Variants in GYS2 observed in about 807,000 individuals in gnomAD.
GYS2 encodes the protein glycogen synthase 2.
Under a neutral mutation model 85.6 loss-of-function variants are expected in GYS2, and 80 were observed. That is an observed-to-expected ratio of 0.93 (90% CI 0.78 to 1.13). The LOEUF is 1.13. GYS2 is among the 50% of genes most tolerant of loss of function. The pLI, the probability that GYS2 is intolerant of heterozygous loss-of-function variation, is 0.00. For missense variants in GYS2, 881 were observed against 854.9 expected, an observed-to-expected ratio of 1.03 and a Z score of -0.38; for synonymous variants, 328 against 300.7, an observed-to-expected ratio of 1.09 and a Z score of -0.94.
chr12:21,581,205 T>C (rs572389235), intron 1 of GYS2, among the ~76,000 whole-genome samples: 1 of 152,296 alleles, frequency 6.6e-6, no homozygotes, highest in Non-Finnish European at 1.5e-5. Context: ...ACCCTTCATA[T>C]TGTTTTATGC....
At chr12:21,592,634 T>C (rs554675280) in intron 1 of GYS2, among the ~76,000 whole-genome samples, 3 of 152,186 alleles carry the variant, frequency 2.0e-5, no homozygotes, top group African/African-American at 7.2e-5. Flanking sequence ...TCCAGATATG[T>C]AAAGCAAATG....
chr12:21,563,121 A>C lies in GYS2; in HGVS notation c.942-83T>G, dbSNP rs1473422. On this transcript the variant is annotated intron_variant, in intron 6 of 15. Coordinates refer to ENST00000261195, the MANE Select transcript of GYS2 (RefSeq NM_021957.4). ...TACACATGAATTCTGTTAATGTACA[A>C]AGGGGGCTGGGAAAGATAAACATTT... 915,088 of 1,210,834 alleles carry C rather than the reference A, an allele frequency of 0.76. 347,133 individuals carry two copies. Among genetic ancestry groups the C allele is most frequent in the South Asian group, 0.79 (65,330 of 82,996 alleles). 75.0% of individuals were successfully genotyped at this position (1,210,834 alleles called of 1,614,324 possible).
chr12:21,542,503 AG>A lies in GYS2; in HGVS notation c.1637del (p.Thr546MetfsTer22), dbSNP rs1943990183. ...CFMQEHVADP[T>X]AYGIYIVDRR... is the part of the protein sequence containing the mutation. ...AATGATGAAAACCCTCACCGTAAGCAGTAGGATCAGCCACGTGCTCCTGCAT... is the reference window on the plus strand; with the variant it reads ...AATGATGAAAACCCTCACCGTAAGCATAGGATCAGCCACGTGCTCCTGCAT... On this transcript the variant is annotated frameshift_variant, in exon 13 of 16. Transcript: ENST00000261195. LOFTEE classifies it high-confidence loss of function. The A allele has an allele frequency of 6.2e-7, 1 of 1,603,816 alleles. No individual in the cohort carries two copies. Among genetic ancestry groups the A allele is most frequent in the Non-Finnish European group, 8.5e-7 (1 of 1,170,624 alleles).
At chr12:21,552,554 T>C (rs1305562876) in intron 11 of GYS2, among the ~76,000 whole-genome samples, 1 of 152,228 alleles carries the variant, frequency 6.6e-6, no homozygotes, top group African/African-American at 2.4e-5. Context: ...TAATTCTGCA[T>C]TGATGGGAGT....
chr12:21,591,227 A>G (rs934008766), intron 1 of GYS2, among the ~76,000 whole-genome samples: 2 of 152,158 alleles, frequency 1.3e-5, no homozygotes, highest in Non-Finnish European at 2.9e-5. Context: ...GAACTCAGAT[A>G]AACAATAAAA....
At chr12:21,533,636 C>G (rs181770509), downstream of GYS2, among the ~76,000 whole-genome samples, 10 of 152,150 alleles carry the variant, frequency 6.6e-5, no homozygotes, top group Non-Finnish European at 1.3e-4. Context: ...AACTAGTCCC[C>G]CTCCTGAGTC....
intron 1 of GYS2, among the ~76,000 whole-genome samples, chr12:21,588,779 A>T (rs770374312): frequency 2.0e-5 from 3 of 152,256 alleles, no homozygotes; most frequent in Admixed American, 2.0e-4. Context: ...AATTGATGTC[A>T]TCTACTACAT....
Position 21,558,983 on chromosome 12 carries a change from G to A in GYS2, c.1308+108C>T, listed in dbSNP as rs1037013735. 1.2e-5 allele frequency: 8 copies of A among 661,002 alleles called. No individual in the cohort carries two copies. In the Admixed American group the frequency reaches 1.8e-4, roughly 15 times the overall value. 40.9% of individuals were successfully genotyped at this position (661,002 alleles called of 1,614,324 possible). On this transcript the variant is annotated intron_variant, in intron 10 of 15. Transcript: ENST00000261195. The stretch of plus-strand genomic sequence containing the variant: ...TGACTATGTAAGAATGTCTTTTCTA[G>A]CCTCAGGTCTGAAAATGTTCCAAAT...
rs1457834235 is a variant in GYS2, at chr12:21,578,880, G to A, written c.303+1462C>T. On this transcript the variant is annotated intron_variant, in intron 2 of 15. Coordinates refer to ENST00000261195, the MANE Select transcript of GYS2 (RefSeq NM_021957.4). ...CCTTTTTGCAAATAAACATGCTCAG[G>A]TCTTACCCATATTTAATAACACACC... Among the ~76,000 whole-genome samples, 3 of 151,914 alleles carry A rather than the reference G, an allele frequency of 2.0e-5. 1 individual carries two copies. Among genetic ancestry groups the A allele is most frequent in the East Asian group, 3.9e-4 (2 of 5,170 alleles).
intron 1 of GYS2, among the ~76,000 whole-genome samples, chr12:21,590,415 A>G (rs1332595534): frequency 6.6e-6 from 1 of 152,168 alleles, no homozygotes; most frequent in African/African-American, 2.4e-5. Context: ...AAGCCTGATG[A>G]TGGGCCTACC....
chr12:21,590,450 G>A (rs1944624620), intron 1 of GYS2, among the ~76,000 whole-genome samples: 1 of 152,056 alleles, frequency 6.6e-6, no homozygotes, highest in Non-Finnish European at 1.5e-5. Flanking sequence ...CATCACAACT[G>A]GCACCTCCTG....
In GYS2 at chr12:21,536,420, T is replaced by C. The variant is rs527910139; in HGVS notation, c.*534A>G. Reference sequence around the variant, plus strand: ...CATCAAAATATGGACTTAGGATAGCTATTCACTCATGGATTTTTGTCTCTG... The same window carrying C: ...CATCAAAATATGGACTTAGGATAGCCATTCACTCATGGATTTTTGTCTCTG... On this transcript the variant is annotated 3_prime_UTR_variant, in exon 16 of 16. Transcript: ENST00000261195. The C allele has an allele frequency of 6.1e-6, 1 of 164,054 alleles. No homozygotes were observed. The highest frequency in any genetic ancestry group is 2.4e-5 in the African/African-American group (1 of 41,644). The allele number at this position is 164,054 out of a possible 1,614,324, so 10.2% of individuals were successfully genotyped here. A position where few individuals can be genotyped will look rare whatever the true frequency, so the allele number is the denominator to read the frequency against.
chr12:21,592,132 A>G (rs1944646145), intron 1 of GYS2, among the ~76,000 whole-genome samples: 1 of 151,014 alleles, frequency 6.6e-6, no homozygotes, highest in Non-Finnish European at 1.5e-5. Context: ...AACCACAATC[A>G]TAAATAATAA....
At chr12:21,591,759 G>A (rs1396614117) in intron 1 of GYS2, among the ~76,000 whole-genome samples, 1 of 152,082 alleles carries the variant, frequency 6.6e-6, no homozygotes, top group African/African-American at 2.4e-5. Context: ...TCACTTATAA[G>A]GGAACTTCCA....
intron 11 of GYS2, among the ~76,000 whole-genome samples, chr12:21,554,562 A>AT (rs34288996): frequency 1.4e-5 from 1 of 70,060 alleles, no homozygotes; most frequent in Non-Finnish European, 3.8e-5. Flanking sequence ...GACACATAAC[A>AT]TTTTTAAAAC....
intron 1 of GYS2, among the ~76,000 whole-genome samples, chr12:21,590,869 T>A (rs1249368305): frequency 1.3e-5 from 2 of 152,128 alleles, no homozygotes; most frequent in East Asian, 3.9e-4. Flanking sequence ...CAGACACTGA[T>A]GATACTGTTG....
chr12:21,556,298 A>G (rs1321143053), intron 11 of GYS2, among the ~76,000 whole-genome samples: 1 of 152,056 alleles, frequency 6.6e-6, no homozygotes, highest in Admixed American at 6.6e-5. Context: ...CCTCCCTAGT[A>G]GCTGGTACTA....
At chr12:21,600,818 A>G (rs1350164009) in intron 1 of GYS2, among the ~76,000 whole-genome samples, 1 of 152,112 alleles carries the variant, frequency 6.6e-6, no homozygotes, top group Non-Finnish European at 1.5e-5. Flanking sequence ...TCATTATTAT[A>G]ATTTCTTCCA....
At chr12:21,541,268 C>CAAAAAAAAAAAAAAAAAAAAAAAA (rs3832848) in intron 13 of GYS2, among the ~76,000 whole-genome samples, 1 of 46,330 alleles carries the variant, frequency 2.2e-5, no homozygotes, top group African/African-American at 7.7e-5. Flanking sequence ...ACCATGTTTC[C>CAAAAAAAAAAAAAAAAAAAAAAAA]AAAAAAAAAA....
Sources: allele counts gnomAD v4.1 joint callset (sites outside exome capture counted in the v4.1 genomes callset), GRCh38; gene constraint gnomAD v4.1.1; transcripts MANE v1.5; gene names NCBI Gene and HGNC (gene_info 2026-07-23, HGNC 2026-07-21).